The following MSRA variants were observed in gnomAD, a reference collection of about 807,000 sequenced individuals.
The protein encoded by MSRA is mitochondrial peptide methionine sulfoxide reductase.
MSRA carries 54 observed loss-of-function variants against 31.3 expected under a neutral mutation model. The ratio of observed to expected loss-of-function variants is 1.73; its 90% CI spans 1.39 to 2.17. The LOEUF is 2.17. Ranked by LOEUF, MSRA falls within the 30% of genes most tolerant of loss-of-function variation. The probability of loss-of-function intolerance (pLI) is 0.00; values close to 1 mark genes in which losing one functional copy is unlikely to be tolerated. For synonymous variants in MSRA, 169 were observed against 116.5 expected (o/e 1.45, Z -2.90); for missense variants, 507 against 300.9 (o/e 1.69, Z -5.07).
intron 1 of MSRA, among the ~76,000 whole-genome samples, chr8:10,200,328 C>G (rs1393954671): frequency 6.6e-6 from 1 of 152,190 alleles, no homozygotes; most frequent in South Asian, 2.1e-4. Context: ...CCATCACATA[C>G]CTTTTGTTTT....
At chr8:10,338,014 C>T (rs888062734) in intron 5 of MSRA, among the ~76,000 whole-genome samples, 1 of 151,778 alleles carries the variant, frequency 6.6e-6, no homozygotes, top group Admixed American at 6.6e-5. Flanking sequence ...GAGAAATGAA[C>T]CTAAGGGGTG....
At chr8:10,289,289 A>G (rs1245171902) in intron 3 of MSRA, among the ~76,000 whole-genome samples, 1 of 152,168 alleles carries the variant, frequency 6.6e-6, no homozygotes, top group African/African-American at 2.4e-5. Flanking sequence ...CTGGGATTAC[A>G]GGCATGAGCC....
intron 3 of MSRA, among the ~76,000 whole-genome samples, chr8:10,245,795 GT>G (rs1218929619): frequency 6.6e-6 from 1 of 152,212 alleles, no homozygotes; most frequent in Non-Finnish European, 1.5e-5. Flanking sequence ...TTTGTGTTAC[GT>G]TCACTTTTAT....
chr8:10,216,689 T>C (rs1810022856), intron 2 of MSRA, among the ~76,000 whole-genome samples: 1 of 152,248 alleles, frequency 6.6e-6, no homozygotes, highest in African/African-American at 2.4e-5. Flanking sequence ...CTTTTGTGAC[T>C]GGCTTATTCT....
chr8:10,321,185 G>A (rs1802024661), intron 5 of MSRA, among the ~76,000 whole-genome samples: 1 of 152,030 alleles, frequency 6.6e-6, no homozygotes, highest in Non-Finnish European at 1.5e-5. Context: ...ACTTGCTTTA[G>A]TTTTTAGAAC....
chr8:10,089,379 C>G (rs1243148553), intron 1 of MSRA, among the ~76,000 whole-genome samples: 1 of 152,206 alleles, frequency 6.6e-6, no homozygotes, highest in African/African-American at 2.4e-5. Context: ...CCTCTTTGAG[C>G]TTGAATCAAA....
At chr8:10,330,787 A>G (rs1303039379) in intron 5 of MSRA, among the ~76,000 whole-genome samples, 1 of 150,562 alleles carries the variant, frequency 6.6e-6, no homozygotes, top group Non-Finnish European at 1.5e-5. Flanking sequence ...TTGTCAACAA[A>G]TATCTGTTGA....
chr8:10,159,303 T>C (rs913264620), intron 1 of MSRA, among the ~76,000 whole-genome samples: 12 of 152,116 alleles, frequency 7.9e-5, no homozygotes, highest in African/African-American at 2.9e-4. Context: ...TGGAGAGTGG[T>C]GTGTGCAGAT....
chr8:10,072,881 T>A (rs1797813361), intron 1 of MSRA, among the ~76,000 whole-genome samples: 1 of 152,240 alleles, frequency 6.6e-6, no homozygotes, highest in Non-Finnish European at 1.5e-5. Context: ...ATATGGTATC[T>A]TTAATTTTGG....
chr8:10,362,715 C>G (rs182683465), intron 5 of MSRA, among the ~76,000 whole-genome samples: 1 of 152,066 alleles, frequency 6.6e-6, no homozygotes, highest in Non-Finnish European at 1.5e-5. Flanking sequence ...CAAATTGTTG[C>G]TCTGGAGGCT....
chr8:10,180,178 A>AC lies in MSRA; in HGVS notation c.143-27650dup, dbSNP rs1423319596. 4.6e-5 allele frequency among the ~76,000 whole-genome samples: 7 copies of AC among 151,980 alleles called. No homozygotes were observed. In the East Asian group the frequency reaches 1.4e-3, roughly 29 times the overall value. On this transcript the variant is annotated intron_variant, in intron 1 of 5. Coordinates refer to ENST00000317173, the MANE Select transcript of MSRA (RefSeq NM_012331.5). The stretch of plus-strand genomic sequence containing the variant: ...ACTACCTGACTCAGTAGTCCACACA[A>AC]CCCCCTCCTTAGGTTTGATAATTTG...
intron 2 of MSRA, among the ~76,000 whole-genome samples, chr8:10,219,792 C>T (rs1027539984): frequency 4.0e-5 from 4 of 100,704 alleles, no homozygotes; most frequent in Admixed American, 1.4e-4. Context: ...GACGACAGAT[C>T]GAGACTCTGT....
intron 5 of MSRA, among the ~76,000 whole-genome samples, chr8:10,380,467 G>A (rs1805999250): frequency 6.6e-6 from 1 of 152,146 alleles, no homozygotes; most frequent in South Asian, 2.1e-4. Flanking sequence ...TTTCTTTAAG[G>A]CTATTCCAAG....
intron 4 of MSRA, among the ~76,000 whole-genome samples, chr8:10,308,052 C>G (rs752105077): frequency 6.6e-6 from 1 of 152,174 alleles, no homozygotes; most frequent in African/African-American, 2.4e-5. Flanking sequence ...TGGACCATCA[C>G]GAAGCCCAGG....
chr8:10,334,528 C>G (rs1000542047), intron 5 of MSRA, among the ~76,000 whole-genome samples: 1 of 152,192 alleles, frequency 6.6e-6, no homozygotes, highest in Admixed American at 6.5e-5. Context: ...GTTTGCGTTT[C>G]AAATTCCCGT....
At chr8:10,417,725 G>A (rs753848913) in intron 5 of MSRA, among the ~76,000 whole-genome samples, 1 of 107,200 alleles carries the variant, frequency 9.3e-6, no homozygotes, top group African/African-American at 3.5e-5. Flanking sequence ...GCTGACTGGG[G>A]CATTGTCTGG....
intron 5 of MSRA, among the ~76,000 whole-genome samples, chr8:10,402,148 T>G (rs1807504813): frequency 6.6e-6 from 1 of 152,314 alleles, no homozygotes; most frequent in East Asian, 1.9e-4. Context: ...ATTTCGATCG[T>G]GAACATTGCT....
chr8:10,211,278 C>G (rs1006255858), intron 2 of MSRA, among the ~76,000 whole-genome samples: 1 of 152,176 alleles, frequency 6.6e-6, no homozygotes, highest in Non-Finnish European at 1.5e-5. Flanking sequence ...TCCTTAAAAA[C>G]TGTCGCTGGC....
At chr8:10,085,792 C>A (rs1798530042) in intron 1 of MSRA, among the ~76,000 whole-genome samples, 1 of 152,306 alleles carries the variant, frequency 6.6e-6, no homozygotes, top group Middle Eastern at 3.4e-3. Context: ...TGCTTTCTGT[C>A]TCCATAGTTA....
Sources: gnomAD v4.1 joint callset for allele counts (sites outside exome capture counted in the v4.1 genomes callset) on GRCh38, gnomAD v4.1.1 for gene constraint, MANE v1.5 for transcripts, NCBI Gene and HGNC (gene_info 2026-07-23, HGNC 2026-07-21) for gene names.